The following VCPKMT variants were observed in gnomAD, a reference collection of about 807,000 sequenced individuals.
VCPKMT encodes protein N-lysine methyltransferase METTL21D.
In VCPKMT, 32 loss-of-function variants were observed where a neutral mutation model predicts 28.6. The ratio of observed to expected loss-of-function variants is 1.12; its 90% CI spans 0.84 to 1.50. The LOEUF (loss-of-function observed/expected upper bound fraction) is 1.50, where lower values mean the gene tolerates loss of function less well. Among genes scored for constraint, VCPKMT ranks in the 40% most tolerant of loss-of-function variants. The pLI is 0.00. For missense variants in VCPKMT, 366 were observed against 285.0 expected (o/e 1.28, Z -2.05); for synonymous variants, 138 against 111.4 (o/e 1.24, Z -1.50).
rs61233901 is a variant in VCPKMT at position 50,113,794 on chromosome 14, C to CGGGGGG, written c.570+485_570+490dup. 8.4e-4 allele frequency among the ~76,000 whole-genome samples: 7 copies of CGGGGGG among 8,332 alleles called. 1 individual carries two copies. The highest frequency in any genetic ancestry group is 1.7e-3 in the Non-Finnish European group (5 of 2,860). The allele number at this position is 8,332 out of a possible 152,430, so 5.5% of individuals were successfully genotyped here. A position where few individuals can be genotyped will look rare whatever the true frequency, so the allele number is the denominator to read the frequency against. ...GCCTATAGTCCCACTTACTTGGGGGCGGGGGGGGGGGGGGGTGACACTGAG... is the reference window on the plus strand; with the variant it reads ...GCCTATAGTCCCACTTACTTGGGGGCGGGGGGGGGGGGGGGGGGGGGTGACACTGAG... On this transcript the variant is annotated intron_variant, in intron 4 of 5. Coordinates refer to ENST00000395860, the MANE Select transcript of VCPKMT (RefSeq NM_024558.3).
Position 50,109,092 on chromosome 14 carries a change from T to C in VCPKMT, c.*607A>G, listed in dbSNP as rs1882465038. On this transcript the variant is annotated 3_prime_UTR_variant, in exon 6 of 6. Coordinates refer to ENST00000395860, the MANE Select transcript of VCPKMT (RefSeq NM_024558.3). ...ATTTACTGATTAAATCACATAGATA[T>C]GTATGGTGGAGGAAAAGAAAACTTT... The C allele has an allele frequency of 2.0e-6, 2 of 976,262 alleles. No individual in the cohort carries two copies. Among genetic ancestry groups the C allele is most frequent in the Non-Finnish European group, 1.2e-6 (1 of 821,510 alleles). The allele number at this position is 976,262 out of a possible 1,614,324, so 60.5% of individuals were successfully genotyped here. A position where few individuals can be genotyped will look rare whatever the true frequency, so the allele number is the denominator to read the frequency against.
chr14:50,110,225 T>A (rs973274761), intron 5 of VCPKMT, among the ~76,000 whole-genome samples: 4 of 152,128 alleles, frequency 2.6e-5, no homozygotes, highest in African/African-American at 9.7e-5. Context: ...CCAGACTGGG[T>A]GACAGTGCGA....
chr14:50,112,491 T>A, intron 5 of VCPKMT, 124 bp downstream of exon 5: 1 of 565,108 alleles, frequency 1.8e-6, no homozygotes, highest in Non-Finnish European at 3.1e-6. Context: ...ACTGCCTGAG[T>A]CCAGTGAATC....
chr14:50,116,523 C>A lies in VCPKMT; in HGVS notation c.30G>T (p.Glu10Asp). 1 of 1,613,214 alleles carries A rather than the reference C, an allele frequency of 6.2e-7. No homozygotes were observed. Among genetic ancestry groups the A allele is most frequent in the Non-Finnish European group, 8.5e-7 (1 of 1,179,660 alleles). MADTLESSLEDPLRSFVRVL... is the reference protein window; with the variant it reads MADTLESSLDDPLRSFVRVL... ...CTCGCACAAAGCTCCGCAGTGGGTC[C>A]TCCAGCGAGGACTCCAGCGTATCCG... is the stretch of plus-strand genomic sequence containing the variant. Residue 10 changes from glutamate to aspartate, a missense_variant, in exon 1 of 6, where the codon GAG (glutamate) becomes GAT (aspartate). Glu to Asp is a conservative substitution (Grantham distance 45, BLOSUM62 2). Transcript: ENST00000395860.
intron 5 of VCPKMT, chr14:50,111,213 A>C (rs1882634383): frequency 1.0e-6 from 1 of 984,448 alleles, no homozygotes; most frequent in South Asian, 4.7e-5. Context: ...TATATTTAGG[A>C]AACACAAAAT....
In VCPKMT at chr14:50,116,344, G is replaced by T. The variant is rs200798867; in HGVS notation, c.209C>A (p.Ser70Ter). The T allele has an allele frequency of 2.5e-6, 4 of 1,609,288 alleles. No homozygotes were observed. The African/African-American group carries it at 5.4e-5, about 22-fold the overall frequency. Residue 70 changes from serine to a stop codon, truncating the protein, a stop_gained, in exon 1 of 6, where the codon TCG becomes TAG. Coordinates refer to ENST00000395860, the MANE Select transcript of VCPKMT (RefSeq NM_024558.3). LOFTEE classifies it high-confidence loss of function. ...GDGAHALSRR[S>*]VLELGSGTGA... Reference sequence around the variant, plus strand: ...GGTGCCCGAACCCAGCTCCAGCACCGACCGCCGGCTCAGCGCGTGGGCCCC... The same window carrying T: ...GGTGCCCGAACCCAGCTCCAGCACCTACCGCCGGCTCAGCGCGTGGGCCCC...
In VCPKMT at chr14:50,114,366, G is replaced by A. The variant is rs1475355462; in HGVS notation, c.489C>T (p.Ser163=). 7.0e-6 allele frequency: 11 copies of A among 1,580,708 alleles called. No homozygotes were observed. The highest frequency in any genetic ancestry group is 2.1e-4 in the Middle Eastern group (1 of 4,724). ...EPLLKTLKDI[S]GFETCIICCY... The stretch of plus-strand genomic sequence containing the variant: ...AACATATAATACAAGTTTCAAATCC[G>A]CTGATATCTTTTAGAGTTTTCAGCA... The change falls in exon 4 of 6, where the codon AGC becomes AGT. Residue 163 remains serine, a synonymous_variant. Coordinates refer to ENST00000395860, the MANE Select transcript of VCPKMT (RefSeq NM_024558.3).
rs1882480842 is a variant in VCPKMT at position 50,109,325 on chromosome 14, A to C, written c.*374T>G. The C allele has an allele frequency of 9.8e-7, 1 of 1,016,800 alleles. No individual in the cohort carries two copies. Among genetic ancestry groups the C allele is most frequent in the South Asian group, 4.6e-5 (1 of 21,764 alleles). The allele number at this position is 1,016,800 out of a possible 1,614,324, so 63.0% of individuals were successfully genotyped here. A position where few individuals can be genotyped will look rare whatever the true frequency, so the allele number is the denominator to read the frequency against. On this transcript the variant is annotated 3_prime_UTR_variant, in exon 6 of 6. Transcript: ENST00000395860. ...AAAACATTATTATATAATAGCAGAT[A>C]GTTCTCTTCAGAAATTTATCTCTAG...
downstream of VCPKMT, chr14:50,106,731 T>G (rs1016913788): frequency 1.3e-6 from 1 of 778,928 alleles, no homozygotes; most frequent in African/African-American, 1.9e-5. Context: ...CGGTTTTGTT[T>G]TTTTGAGATA....
downstream of VCPKMT, among the ~76,000 whole-genome samples, chr14:50,104,695 A>G (rs376066414): frequency 4.6e-3 from 645 of 141,602 alleles, 3 homozygotes; most frequent in African/African-American, 0.01. Flanking sequence ...ACTCTATTGA[A>G]AAAAAAAAAA....
chr14:50,110,717 T>C (rs1882587951), intron 5 of VCPKMT, among the ~76,000 whole-genome samples: 1 of 152,232 alleles, frequency 6.6e-6, no homozygotes, highest in Non-Finnish European at 1.5e-5. Flanking sequence ...TCTGAAAACA[T>C]GTTCACACAA....
downstream of VCPKMT, among the ~76,000 whole-genome samples, chr14:50,104,704 A>C (rs1248331365): frequency 6.6e-6 from 1 of 152,104 alleles, no homozygotes; most frequent in Non-Finnish European, 1.5e-5. Context: ...AAAAAAAAAA[A>C]AAAAACTGCT....
chr14:50,106,082 T>A (rs868033772), downstream of VCPKMT, among the ~76,000 whole-genome samples: 30 of 152,192 alleles, frequency 2.0e-4, no homozygotes, highest in African/African-American at 7.0e-4. Flanking sequence ...GGGAAGTAGA[T>A]GCTAAACGGA....
At chr14:50,112,382 T>C (rs1408646696) in intron 5 of VCPKMT, among the ~76,000 whole-genome samples, 2 of 105,298 alleles carry the variant, frequency 1.9e-5, no homozygotes, top group African/African-American at 3.9e-5. Flanking sequence ...GTGTCTCTAC[T>C]TAAAAAATAC....
intron 5 of VCPKMT, among the ~76,000 whole-genome samples, chr14:50,110,360 G>A (rs1882556735): frequency 6.6e-6 from 1 of 152,162 alleles, no homozygotes; most frequent in Non-Finnish European, 1.5e-5. Context: ...ATCTGTAAGT[G>A]TTTAGTATTC....
chr14:50,102,760 C>T, the VCPKMT span, among the ~76,000 whole-genome samples: 5 of 152,176 alleles, frequency 3.3e-5, no homozygotes, highest in Non-Finnish European at 7.4e-5. Context: ...AAGAAATATC[C>T]TTGTTTTCAA....
At chr14:50,108,191 C>CAAAAAAAAAAAAA (rs11455635), downstream of VCPKMT, among the ~76,000 whole-genome samples, 1 of 107,098 alleles carries the variant, frequency 9.3e-6, no homozygotes, top group Non-Finnish European at 1.8e-5. Context: ...AACCCTGTCT[C>CAAAAAAAAAAAAA]AAAAAAAAAA....
At position 50,109,288 on chromosome 14, in the gene VCPKMT, T is replaced by G; in HGVS notation, c.*411A>C. On this transcript the variant is annotated 3_prime_UTR_variant, in exon 6 of 6. Coordinates refer to ENST00000395860, the MANE Select transcript of VCPKMT (RefSeq NM_024558.3). ...ACTCTGAAGACAAACTAAAATTTAC[T>G]AGTTTGAATTTAAAACATTATTATA... is the stretch of plus-strand genomic sequence containing the variant. 1.0e-6 allele frequency: 1 copy of G among 987,270 alleles called. No homozygotes were observed. Among genetic ancestry groups the G allele is most frequent in the African/African-American group, 1.7e-5 (1 of 57,568 alleles). The allele number at this position is 987,270 out of a possible 1,614,324, so 61.2% of individuals were successfully genotyped here.
At chr14:50,106,954 A>C (rs1374821241), downstream of VCPKMT, among the ~76,000 whole-genome samples, 2 of 152,226 alleles carry the variant, frequency 1.3e-5, no homozygotes, top group African/African-American at 2.4e-5. Flanking sequence ...TCCTGGGCTC[A>C]AGTGATCTGC....
Sources: allele counts gnomAD v4.1 joint callset (sites outside exome capture counted in the v4.1 genomes callset), GRCh38; gene constraint gnomAD v4.1.1; transcripts MANE v1.5; gene names NCBI Gene and HGNC (gene_info 2026-07-23, HGNC 2026-07-21).